The following FAAH2 variants were observed in gnomAD, a reference collection of about 807,000 sequenced individuals.
The protein encoded by FAAH2 is fatty acid amide hydrolase 2.
In FAAH2, 60 loss-of-function variants were observed where a neutral mutation model predicts 36.9. That is an observed-to-expected ratio of 1.63 (90% CI 1.32 to 2.02). The LOEUF is 2.02. Ranked by LOEUF, FAAH2 falls within the 30% of genes most tolerant of loss-of-function variation. The probability of loss-of-function intolerance (pLI) is 0.00; values close to 1 mark genes in which losing one functional copy is unlikely to be tolerated. For synonymous variants in FAAH2, 214 were observed against 143.8 expected (o/e 1.49, Z -3.49); for missense variants, 689 against 397.5 (o/e 1.73, Z -6.23).
At position 57,341,278 on chromosome X, in the gene FAAH2, G is replaced by T. The variant is rs761970184; in HGVS notation, c.630G>T (p.Glu210Asp). The T allele has an allele frequency of 1.2e-4, 148 of 1,206,431 alleles. No individual in the cohort carries two copies. In the Admixed American group the frequency reaches 3.2e-3, roughly 26 times the overall value. Residue 210 changes from glutamate to aspartate, a missense_variant, in exon 5 of 11, where the codon GAG becomes GAT. Glu to Asp is a conservative substitution (Grantham distance 45). Transcript: ENST00000374900. The stretch of plus-strand genomic sequence containing the variant: ...ATTTTGTGTTTCTTGTAGGTGGTGA[G>T]GGCTGCACACTGGCAGCTGCCTGCT... ...QHIVGGSSGG[E>D]GCTLAAACSV...
intron 3 of FAAH2, among the ~76,000 whole-genome samples, chrX:57,311,861 G>A (rs960482950): frequency 8.9e-6 from 1 of 112,163 alleles, no homozygotes; most frequent in South Asian, 3.7e-4. Context: ...CTAAGAGACA[G>A]TCAGGTGCAC....
intron 7 of FAAH2, among the ~76,000 whole-genome samples, chrX:57,383,877 A>T (rs372714294): frequency 9.0e-6 from 1 of 111,670 alleles, no homozygotes; most frequent in African/African-American, 3.3e-5. Flanking sequence ...TCAATCCTAA[A>T]CCAAAAGAAC....
intron 7 of FAAH2, among the ~76,000 whole-genome samples, chrX:57,397,703 T>C (rs894129858): frequency 4.5e-5 from 5 of 110,701 alleles, no homozygotes; most frequent in Non-Finnish European, 9.4e-5. Context: ...TTTTTTTTTC[T>C]TTTTTTATTT....
chrX:57,393,617 G>T, intron 7 of FAAH2: 3 of 889,723 alleles, frequency 3.4e-6, no homozygotes, highest in Non-Finnish European at 3.3e-6. Context: ...CACTATCAAT[G>T]CACCACTCAC....
chrX:57,279,376 C>T, the FAAH2 span, among the ~76,000 whole-genome samples: 1 of 112,266 alleles, frequency 8.9e-6, no homozygotes, highest in African/African-American at 3.2e-5. Flanking sequence ...ACTGCGTGTT[C>T]TCACTCATAA....
At chrX:57,155,270 G>A in the FAAH2 span, among the ~76,000 whole-genome samples, 8 of 111,623 alleles carry the variant, frequency 7.2e-5, no homozygotes, top group Non-Finnish European at 1.1e-4. Flanking sequence ...AGGTGGGTAG[G>A]GAAGGACCAT....
At chrX:57,319,120 A>T (rs1288692228) in intron 3 of FAAH2, among the ~76,000 whole-genome samples, 2 of 112,094 alleles carry the variant, frequency 1.8e-5, no homozygotes, top group Non-Finnish European at 3.8e-5. Flanking sequence ...CAAGACAAGG[A>T]TGCCCTCTCT....
chrX:57,468,891 G>A (rs1209538051), intron 10 of FAAH2, among the ~76,000 whole-genome samples: 2 of 112,125 alleles, frequency 1.8e-5, no homozygotes, highest in Non-Finnish European at 3.8e-5. Context: ...CAGACTAACA[G>A]CGGATCTCTC....
At chrX:57,402,460 A>T in intron 7 of FAAH2, among the ~76,000 whole-genome samples, 1 of 110,988 alleles carries the variant, frequency 9.0e-6, no homozygotes, top group Non-Finnish European at 1.9e-5. Flanking sequence ...GTTCCTCCTG[A>T]TCTCTATTAT....
At chrX:57,434,993 A>G (rs1197263594) in intron 8 of FAAH2, among the ~76,000 whole-genome samples, 1 of 111,695 alleles carries the variant, frequency 9.0e-6, no homozygotes, top group Non-Finnish European at 1.9e-5. Context: ...AAAGAAAAAA[A>G]TACAATAAAA....
At chrX:57,418,768 G>A in intron 7 of FAAH2, among the ~76,000 whole-genome samples, 1 of 109,099 alleles carries the variant, frequency 9.2e-6, no homozygotes, top group Non-Finnish European at 1.9e-5. Flanking sequence ...TGTGCACAAT[G>A]TGCAGGTTAG....
At chrX:57,402,927 C>G (rs2055474488) in intron 7 of FAAH2, among the ~76,000 whole-genome samples, 1 of 111,798 alleles carries the variant, frequency 8.9e-6, no homozygotes, top group Non-Finnish European at 1.9e-5. Flanking sequence ...TTGACAAACT[C>G]TCGGGCTGCA....
At chrX:57,157,439 T>G in the FAAH2 span, among the ~76,000 whole-genome samples, 1 of 111,806 alleles carries the variant, frequency 8.9e-6, no homozygotes. Flanking sequence ...AGGGCTGGTC[T>G]AAATGCTCCC....
chrX:57,238,333 C>T, the FAAH2 span, among the ~76,000 whole-genome samples: 2 of 111,754 alleles, frequency 1.8e-5, no homozygotes, highest in Non-Finnish European at 1.9e-5. Context: ...AGAATGAGAT[C>T]ATGTCCTTTG....
At chrX:57,161,931 A>G in the FAAH2 span, among the ~76,000 whole-genome samples, 7 of 111,592 alleles carry the variant, frequency 6.3e-5, no homozygotes, top group African/African-American at 1.3e-4. Context: ...TTTGCTCATT[A>G]GTTGATGCAG....
the FAAH2 span, among the ~76,000 whole-genome samples, chrX:57,274,185 A>C: frequency 2.7e-5 from 3 of 112,104 alleles, no homozygotes; most frequent in African/African-American, 9.7e-5. Context: ...CCCTGGACAC[A>C]TACACCCTCA....
intron 7 of FAAH2, among the ~76,000 whole-genome samples, chrX:57,416,593 T>A (rs1368281059): frequency 8.9e-6 from 1 of 112,077 alleles, no homozygotes; most frequent in African/African-American, 3.2e-5. Flanking sequence ...TCTGCAGAGT[T>A]CTGCAGTTTG....
At chrX:57,220,778 G>C in the FAAH2 span, among the ~76,000 whole-genome samples, 1 of 111,869 alleles carries the variant, frequency 8.9e-6, no homozygotes, top group Non-Finnish European at 1.9e-5. Context: ...AAAGCCAGCA[G>C]TCCATGCCCC....
At chrX:57,382,682 T>G (rs1427303557) in intron 7 of FAAH2, among the ~76,000 whole-genome samples, 4 of 111,594 alleles carry the variant, frequency 3.6e-5, no homozygotes, top group African/African-American at 6.5e-5. Flanking sequence ...AGGCCATAAT[T>G]AATAGCCTAG....
Sources: gnomAD v4.1 joint callset for allele counts (sites outside exome capture counted in the v4.1 genomes callset) on GRCh38, gnomAD v4.1.1 for gene constraint, MANE v1.5 for transcripts, NCBI Gene and HGNC (gene_info 2026-07-23, HGNC 2026-07-21) for gene names.